TSPAN12: variants seen among roughly 807,000 people sequenced by gnomAD.
TSPAN12 encodes the protein tetraspanin 12.
In TSPAN12, 19 loss-of-function variants were observed where a neutral mutation model predicts 39.2. The ratio of observed to expected loss-of-function variants is 0.49; its 90% CI spans 0.34 to 0.71. The LOEUF is 0.71. TSPAN12 is among the 30% of genes least tolerant of loss of function. TSPAN12 has a pLI of 0.01. For missense variants in TSPAN12, 314 were observed against 359.9 expected, an observed-to-expected ratio of 0.87 and a Z score of 1.03; for synonymous variants, 119 against 124.8, an observed-to-expected ratio of 0.95 and a Z score of 0.31.
rs1794881287 is a variant in TSPAN12 at position 120,856,826 on chromosome 7, G to A, written c.-63C>T. 7 of 1,549,320 alleles carry A rather than the reference G, an allele frequency of 4.5e-6. No individual in the cohort carries two copies. Among genetic ancestry groups the A allele is most frequent in the Non-Finnish European group, 6.2e-6 (7 of 1,121,414 alleles). Reference sequence around the variant, plus strand: ...ACATCCTACTCCCAAGGGCAAAACGGCAGCGATCTGCAGGGGGCGGGGGAG... The same window carrying A: ...ACATCCTACTCCCAAGGGCAAAACGACAGCGATCTGCAGGGGGCGGGGGAG... On this transcript the variant is annotated 5_prime_UTR_variant, in exon 2 of 8. Transcript: ENST00000222747.
Position 120,840,082 on chromosome 7 carries a change from A to C in TSPAN12, c.94T>G (p.Ser32Ala). 1 of 1,613,926 alleles carries C rather than the reference A, an allele frequency of 6.2e-7. No individual in the cohort carries two copies. The highest frequency in any genetic ancestry group is 8.5e-7 in the Non-Finnish European group (1 of 1,179,854). The change falls in exon 3 of 8, where the codon TCT becomes GCT. Residue 32 changes from serine (S) to alanine (A), a missense_variant. Physicochemically the swap from Ser to Ala is moderately conservative, Grantham distance 99. Coordinates refer to ENST00000222747, the MANE Select transcript of TSPAN12 (RefSeq NM_012338.4). ...WLMSISVLAV[S>A]AWMRDYLNNV... ...TTTAGGTAGTCCCTCATCCAAGCAGAAACTGCCAACACACTGATGGACATT... is the reference window on the plus strand; with the variant it reads ...TTTAGGTAGTCCCTCATCCAAGCAGCAACTGCCAACACACTGATGGACATT...
At chr7:120,830,190 G>A (rs923557124) in intron 4 of TSPAN12, among the ~76,000 whole-genome samples, 1 of 152,080 alleles carries the variant, frequency 6.6e-6, no homozygotes, top group South Asian at 2.1e-4. Flanking sequence ...TTATGGATTA[G>A]AAGAATTAAT....
At chr7:120,848,468 T>C (rs1342011004) in intron 2 of TSPAN12, among the ~76,000 whole-genome samples, 2 of 152,146 alleles carry the variant, frequency 1.3e-5, no homozygotes, top group Non-Finnish European at 2.9e-5. Flanking sequence ...TTTAAACAAA[T>C]TAGAAGATGT....
intron 7 of TSPAN12, among the ~76,000 whole-genome samples, chr7:120,804,517 T>A (rs896697151): frequency 1.3e-5 from 2 of 152,176 alleles, no homozygotes; most frequent in African/African-American, 4.8e-5. Context: ...CAAAGCCAAA[T>A]GTTTCTAAAC....
intron 4 of TSPAN12, among the ~76,000 whole-genome samples, chr7:120,832,666 C>T (rs1198199045): frequency 6.6e-6 from 1 of 151,938 alleles, no homozygotes; most frequent in Non-Finnish European, 1.5e-5. Context: ...TCTTTCTATT[C>T]ACCCCTTTCA....
Position 120,811,849 on chromosome 7 carries a change from T to C in TSPAN12, c.361-1279A>G, listed in dbSNP as rs749604721. Among the ~76,000 whole-genome samples the C allele has an allele frequency of 3.9e-5, 6 of 151,926 alleles. No homozygotes were observed. The South Asian group carries it at 1.2e-3, about 32-fold the overall frequency. On this transcript the variant is annotated intron_variant, in intron 5 of 7. Transcript: ENST00000222747. ...TCTCACTCGTATGTGGGAGCTAAGC[T>C]ATAAGACACAAAGCCATAAGAATAA...
intron 7 of TSPAN12, among the ~76,000 whole-genome samples, chr7:120,794,938 A>C (rs926559893): frequency 1.2e-4 from 19 of 152,220 alleles, no homozygotes; most frequent in African/African-American, 4.6e-4. Context: ...CAGTCAAATA[A>C]TTATGCATAA....
chr7:120,803,466 T>C (rs945136548), intron 7 of TSPAN12, among the ~76,000 whole-genome samples: 2 of 152,190 alleles, frequency 1.3e-5, no homozygotes, highest in Non-Finnish European at 2.9e-5. Flanking sequence ...CAGGGCAAAG[T>C]AGAATTATGT....
chr7:120,849,232 T>C (rs1032322273), intron 2 of TSPAN12, among the ~76,000 whole-genome samples: 1 of 152,246 alleles, frequency 6.6e-6, no homozygotes, highest in Non-Finnish European at 1.5e-5. Context: ...CAATGTCTCT[T>C]GCAAAATACT....
chr7:120,799,445 A>C (rs1793696714), intron 7 of TSPAN12, among the ~76,000 whole-genome samples: 2 of 136,872 alleles, frequency 1.5e-5, no homozygotes, highest in Non-Finnish European at 3.1e-5. Flanking sequence ...ATATAATTTA[A>C]TTTATATATA....
chr7:120,807,198 T>C (rs1425779449), intron 6 of TSPAN12, among the ~76,000 whole-genome samples: 4 of 152,102 alleles, frequency 2.6e-5, no homozygotes, highest in South Asian at 2.1e-4. Flanking sequence ...TAGTAAAATA[T>C]CCAAAAACTT....
chr7:120,833,552 T>C (rs568909921), intron 4 of TSPAN12, among the ~76,000 whole-genome samples: 1 of 152,270 alleles, frequency 6.6e-6, no homozygotes, highest in African/African-American at 2.4e-5. Context: ...TCAATAGTTA[T>C]ATTCAAAGTC....
At chr7:120,804,334 G>A (rs1562939926) in intron 7 of TSPAN12, among the ~76,000 whole-genome samples, 1 of 152,032 alleles carries the variant, frequency 6.6e-6, no homozygotes, top group Non-Finnish European at 1.5e-5. Flanking sequence ...GAATAAGCAG[G>A]AGTTTGCCGC....
At chr7:120,791,328 C>CAA (rs535746545) in intron 7 of TSPAN12, among the ~76,000 whole-genome samples, 7 of 127,530 alleles carry the variant, frequency 5.5e-5, no homozygotes, top group African/African-American at 2.0e-4. Flanking sequence ...GACCTTGTCT[C>CAA]AAAAAAAAAA....
At chr7:120,840,598 T>C (rs1562951578) in intron 2 of TSPAN12, among the ~76,000 whole-genome samples, 1 of 152,204 alleles carries the variant, frequency 6.6e-6, no homozygotes, top group Non-Finnish European at 1.5e-5. Flanking sequence ...AATCCTTTGA[T>C]TCATAAAGCG....
At chr7:120,815,849 T>C (rs1431583973) in intron 4 of TSPAN12, 46 bp from the exon 5 acceptor site, 1 of 1,537,536 alleles carries the variant, frequency 6.5e-7, no homozygotes, top group Admixed American at 1.8e-5. Context: ...CAGAATAAAA[T>C]AGGCTCCTCA....
chr7:120,830,359 CA>C (rs1296344279), intron 4 of TSPAN12, among the ~76,000 whole-genome samples: 1 of 151,874 alleles, frequency 6.6e-6, no homozygotes, highest in African/African-American at 2.4e-5. Flanking sequence ...TGAGCAAAAA[CA>C]ACAAAGCTGC....
At chr7:120,855,204 C>A (rs1452484434) in intron 2 of TSPAN12, among the ~76,000 whole-genome samples, 3 of 152,196 alleles carry the variant, frequency 2.0e-5, no homozygotes, top group Non-Finnish European at 4.4e-5. Context: ...CAGTAAGGGT[C>A]AAGTGAAAGA....
intron 4 of TSPAN12, among the ~76,000 whole-genome samples, chr7:120,838,245 T>C (rs1048238738): frequency 6.6e-6 from 1 of 152,182 alleles, no homozygotes; most frequent in Non-Finnish European, 1.5e-5. Flanking sequence ...AGAATTTGAA[T>C]GGTGAAACTA....
Sources: gnomAD v4.1 joint callset for allele counts (sites outside exome capture counted in the v4.1 genomes callset) on GRCh38, gnomAD v4.1.1 for gene constraint, MANE v1.5 for transcripts, NCBI Gene and HGNC (gene_info 2026-07-23, HGNC 2026-07-21) for gene names.